Variants in EXOC6B observed in about 807,000 individuals in gnomAD.
EXOC6B encodes the protein SEC15 homolog B.
Under a neutral mutation model 113.5 loss-of-function variants are expected in EXOC6B, and 54 were observed. The observed-to-expected ratio is 0.48, with a 90% CI of 0.38 to 0.60. The LOEUF (loss-of-function observed/expected upper bound fraction) is 0.60. EXOC6B is among the 20% of genes least tolerant of loss of function. EXOC6B has a pLI of 0.00. For missense variants in EXOC6B, 797 were observed against 977.5 expected (o/e 0.82, Z 2.46); for synonymous variants, 357 against 339.0 (o/e 1.05, Z -0.58).
chr2:72,641,547 C>G (rs1045219589), intron 6 of EXOC6B, among the ~76,000 whole-genome samples: 9 of 152,246 alleles, frequency 5.9e-5, no homozygotes, highest in Non-Finnish European at 1.2e-4. Context: ...AGTAGGTAAA[C>G]AAAGCAGCCA....
intron 20 of EXOC6B, among the ~76,000 whole-genome samples, chr2:72,332,368 T>A (rs1202705519): frequency 6.6e-6 from 1 of 152,034 alleles, no homozygotes; most frequent in African/African-American, 2.4e-5. Flanking sequence ...GTATTCAGTT[T>A]TGGTCCATAA....
At chr2:72,529,908 AT>A (rs1373783630) in intron 8 of EXOC6B, among the ~76,000 whole-genome samples, 1 of 152,160 alleles carries the variant, frequency 6.6e-6, no homozygotes, top group African/African-American at 2.4e-5. Flanking sequence ...AAATTTATGT[AT>A]GTAGAGTTGT....
chr2:72,499,632 A>G (rs1361427247), intron 12 of EXOC6B, among the ~76,000 whole-genome samples: 1 of 151,792 alleles, frequency 6.6e-6, no homozygotes, highest in Non-Finnish European at 1.5e-5. Context: ...TGTTCAGGCA[A>G]TCCTCTCACC....
At chr2:72,507,053 A>G (rs996941949) in intron 11 of EXOC6B, among the ~76,000 whole-genome samples, 1 of 152,162 alleles carries the variant, frequency 6.6e-6, no homozygotes, top group African/African-American at 2.4e-5. Flanking sequence ...AATGTTGCAC[A>G]TATTAATACA....
At position 72,514,617 on chromosome 2, in the gene EXOC6B, T is replaced by TATATATACAC. The variant is rs1553432053; in HGVS notation, c.1046+16_1046+17insGTGTATATAT. On this transcript the variant is annotated intron_variant, in intron 10 of 21. Coordinates refer to ENST00000272427, the MANE Select transcript of EXOC6B (RefSeq NM_015189.3). The stretch of plus-strand genomic sequence containing the variant: ...AAATAAATAAATAAATATATATATA[T>TATATATACAC]ATATATATATACCTACCCTACAATT... 2.5e-6 allele frequency: 1 copy of TATATATACAC among 393,216 alleles called. No individual in the cohort carries two copies. Among genetic ancestry groups the TATATATACAC allele is most frequent in the African/African-American group, 2.2e-5 (1 of 44,686 alleles). 24.4% of individuals were successfully genotyped at this position (393,216 alleles called of 1,614,324 possible).
At chr2:72,400,226 C>T (rs1314048040) in intron 18 of EXOC6B, among the ~76,000 whole-genome samples, 1 of 152,058 alleles carries the variant, frequency 6.6e-6, no homozygotes, top group Non-Finnish European at 1.5e-5. Context: ...ATTGGATAGC[C>T]ATATGCAGAA....
intron 18 of EXOC6B, among the ~76,000 whole-genome samples, chr2:72,436,301 C>A (rs1695867951): frequency 6.6e-6 from 1 of 152,014 alleles, no homozygotes; most frequent in African/African-American, 2.4e-5. Context: ...TTGTGGGTAA[C>A]CTGACCTTTC....
chr2:72,230,436 T>C (rs183335006), intron 20 of EXOC6B, among the ~76,000 whole-genome samples: 2 of 152,332 alleles, frequency 1.3e-5, no homozygotes, highest in African/African-American at 4.8e-5. Flanking sequence ...CTTTTTGCAA[T>C]GCAATTCCTT....
At chr2:72,258,299 G>A (rs1360179619) in intron 20 of EXOC6B, among the ~76,000 whole-genome samples, 1 of 150,814 alleles carries the variant, frequency 6.6e-6, no homozygotes, top group Non-Finnish European at 1.5e-5. Flanking sequence ...CAGCACTTAC[G>A]CCAGGGCTCA....
At chr2:72,528,769 T>C (rs113659651) in intron 8 of EXOC6B, among the ~76,000 whole-genome samples, 3,544 of 152,208 alleles carry the variant, frequency 0.023, 145 homozygotes, top group African/African-American at 0.08. Flanking sequence ...AGATTGAAAC[T>C]AAGTATTTCT....
intron 1 of EXOC6B, among the ~76,000 whole-genome samples, chr2:72,786,117 A>C (rs1420133632): frequency 6.6e-6 from 1 of 152,240 alleles, no homozygotes; most frequent in Non-Finnish European, 1.5e-5. Context: ...CAAGGAAGCA[A>C]GAAATGCTTT....
rs528234613 is a variant in EXOC6B at position 72,291,741 on chromosome 2, T to C, written c.2196+43206A>G. On this transcript the variant is annotated intron_variant, in intron 20 of 21. Transcript: ENST00000272427. ...AGCTGGAATCAAGTCACAATTCACA[T>C]GTGAATGAGGTAAAGACAAGGTACA... 5.9e-5 allele frequency among the ~76,000 whole-genome samples: 9 copies of C among 152,288 alleles called. No homozygotes were observed. The South Asian group carries it at 1.9e-3, about 32-fold the overall frequency.
chr2:72,383,153 T>G (rs975264305), intron 18 of EXOC6B, among the ~76,000 whole-genome samples: 8 of 152,078 alleles, frequency 5.3e-5, no homozygotes, highest in Admixed American at 2.6e-4. Context: ...GGGATCTAAT[T>G]AAACCTAAGA....
chr2:72,287,140 A>G (rs1685482721), intron 20 of EXOC6B, among the ~76,000 whole-genome samples: 2 of 152,110 alleles, frequency 1.3e-5, no homozygotes, highest in African/African-American at 4.8e-5. Context: ...GAAATAGAAT[A>G]TAAATGTAGG....
chr2:72,558,191 G>T (rs1002542005), intron 8 of EXOC6B, among the ~76,000 whole-genome samples: 10 of 151,784 alleles, frequency 6.6e-5, no homozygotes, highest in Admixed American at 4.6e-4. Flanking sequence ...CACATTATAA[G>T]GCTACACATT....
At chr2:72,780,093 A>G (rs1282603128) in intron 1 of EXOC6B, among the ~76,000 whole-genome samples, 1 of 152,222 alleles carries the variant, frequency 6.6e-6, no homozygotes, top group Non-Finnish European at 1.5e-5. Context: ...CTTGCAACCA[A>G]AGAGTCCCAA....
chr2:72,228,952 G>A (rs931852597), intron 20 of EXOC6B, among the ~76,000 whole-genome samples: 27 of 152,208 alleles, frequency 1.8e-4, no homozygotes, highest in African/African-American at 5.5e-4. Flanking sequence ...TTTAATGATC[G>A]CTATTCTAAT....
At chr2:72,417,254 C>T (rs556037007) in intron 18 of EXOC6B, among the ~76,000 whole-genome samples, 5 of 152,212 alleles carry the variant, frequency 3.3e-5, no homozygotes, top group East Asian at 3.9e-4. Flanking sequence ...AGTGCAATGG[C>T]GCGACCTCTT....
intron 20 of EXOC6B, among the ~76,000 whole-genome samples, chr2:72,297,536 G>T (rs919154121): frequency 2.6e-5 from 4 of 151,864 alleles, no homozygotes; most frequent in African/African-American, 4.8e-5. Flanking sequence ...GTTATTTCTC[G>T]CCTTCTGCTA....
Sources: allele counts gnomAD v4.1 joint callset (sites outside exome capture counted in the v4.1 genomes callset), GRCh38; gene constraint gnomAD v4.1.1; transcripts MANE v1.5; gene names NCBI Gene and HGNC (gene_info 2026-07-23, HGNC 2026-07-21).